SLC35F1: variants seen among roughly 807,000 people sequenced by gnomAD.
SLC35F1 encodes solute carrier family 35 member F1, also known as chromosome 6 open reading frame 169.
A neutral mutation model predicts 48.7 loss-of-function variants in SLC35F1; 14 were observed. The ratio of observed to expected loss-of-function variants is 0.29; its 90% CI spans 0.19 to 0.45. The LOEUF is 0.45. SLC35F1 is among the 20% of genes least tolerant of loss of function. The probability of loss-of-function intolerance (pLI) is 1.00; values close to 1 mark genes in which losing one functional copy is unlikely to be tolerated. For synonymous variants in SLC35F1, 190 were observed against 202.2 expected, an observed-to-expected ratio of 0.94 and a Z score of 0.51; for missense variants, 404 against 500.0, an observed-to-expected ratio of 0.81 and a Z score of 1.83.
intron 1 of SLC35F1, among the ~76,000 whole-genome samples, chr6:118,049,907 C>T (rs1434394142): frequency 6.6e-6 from 1 of 151,984 alleles, no homozygotes; most frequent in Non-Finnish European, 1.5e-5. Flanking sequence ...TATAAAGACA[C>T]ATGCACACGT....
At chr6:118,212,076 A>G (rs941467464) in intron 2 of SLC35F1, among the ~76,000 whole-genome samples, 1 of 152,154 alleles carries the variant, frequency 6.6e-6, no homozygotes, top group Non-Finnish European at 1.5e-5. Context: ...TTCTTGGTGT[A>G]ACTTTATTCA....
chr6:118,138,847 C>T (rs1007834787), intron 1 of SLC35F1, among the ~76,000 whole-genome samples: 8 of 152,012 alleles, frequency 5.3e-5, no homozygotes, highest in Middle Eastern at 3.2e-3. Flanking sequence ...ATGCATGTCA[C>T]GTACAACTCA....
chr6:118,159,939 T>G lies in SLC35F1; in HGVS notation c.349+5319T>G, dbSNP rs549988813. 3.3e-5 allele frequency among the ~76,000 whole-genome samples: 5 copies of G among 152,344 alleles called. No individual in the cohort carries two copies. The South Asian group carries it at 1.0e-3, about 32-fold the overall frequency. On this transcript the variant is annotated intron_variant, in intron 2 of 7. Coordinates refer to ENST00000360388, the MANE Select transcript of SLC35F1 (RefSeq NM_001029858.4). ...CATAAAAACTTTAATAAGCAATAAT[T>G]TCCTCTTCCCTTTCTTCTGCTACCA...
chr6:117,952,084 GT>G (rs1002464937), intron 1 of SLC35F1, among the ~76,000 whole-genome samples: 3 of 152,130 alleles, frequency 2.0e-5, no homozygotes, highest in Non-Finnish European at 4.4e-5. Flanking sequence ...CTCTCATTTT[GT>G]TTTGTTTTGT....
At chr6:118,056,940 CT>C (rs34667516) in intron 1 of SLC35F1, among the ~76,000 whole-genome samples, 37,439 of 147,896 alleles carry the variant, frequency 0.25, 4,776 homozygotes, top group East Asian at 0.35. Flanking sequence ...AGTAGGAAAA[CT>C]TTTTTTTTTT....
intron 1 of SLC35F1, among the ~76,000 whole-genome samples, chr6:118,086,678 T>C (rs1772995749): frequency 6.6e-6 from 1 of 152,198 alleles, no homozygotes; most frequent in Admixed American, 6.6e-5. Context: ...CTCTTATTGT[T>C]GACCCCCATA....
At chr6:117,934,123 A>C (rs971490072) in intron 1 of SLC35F1, among the ~76,000 whole-genome samples, 6 of 152,138 alleles carry the variant, frequency 3.9e-5, no homozygotes, top group African/African-American at 1.4e-4. Context: ...TTTAAACTAT[A>C]CTGAGCAGTT....
In SLC35F1 at chr6:117,907,779, C is replaced by T. The variant is rs767993507; in HGVS notation, c.53C>T (p.Pro18Leu). The change falls in exon 1 of 8, where the codon CCG becomes CTG. Residue 18 changes from proline (P) to leucine (L), a missense_variant. This residue lies in a region of SLC35F1 where 98 missense variants were observed against 81.0 expected (regional missense o/e 1.21). Transcript: ENST00000360388. The part of the protein sequence containing the change: ...QQQLQPPSPA[P>L]PNHVVTTIEN... Reference sequence around the variant, plus strand: ...CAGCTGCAGCCGCCGTCGCCAGCCCCGCCGAACCATGTGGTGACCACCATC... The same window carrying T: ...CAGCTGCAGCCGCCGTCGCCAGCCCTGCCGAACCATGTGGTGACCACCATC... The T allele has an allele frequency of 6.4e-7, 1 of 1,561,806 alleles. No homozygotes were observed.
intron 1 of SLC35F1, among the ~76,000 whole-genome samples, chr6:118,037,783 A>G (rs905525040): frequency 2.0e-5 from 3 of 149,966 alleles, no homozygotes; most frequent in Non-Finnish European, 4.4e-5. Flanking sequence ...AAAACCAAAC[A>G]CTGCATATTC....
chr6:118,286,598 C>T (rs1776051602), intron 7 of SLC35F1, among the ~76,000 whole-genome samples: 1 of 152,120 alleles, frequency 6.6e-6, no homozygotes, highest in South Asian at 2.1e-4. Flanking sequence ...TGACAGCAGA[C>T]AGGAATAAAG....
At chr6:118,038,579 G>C (rs989286344) in intron 1 of SLC35F1, among the ~76,000 whole-genome samples, 1 of 151,618 alleles carries the variant, frequency 6.6e-6, no homozygotes, top group African/African-American at 2.4e-5. Flanking sequence ...AGTTTTCAGT[G>C]TACCTGTCTT....
chr6:118,285,206 T>C lies in SLC35F1; in HGVS notation c.870T>C (p.Ser290=), dbSNP rs1397998791. 4.5e-5 allele frequency: 73 copies of C among 1,613,814 alleles called. No individual in the cohort carries two copies. Among genetic ancestry groups the C allele is most frequent in the Non-Finnish European group, 6.1e-5 (72 of 1,179,856 alleles). The change falls in exon 7 of 8, where the codon AGT becomes AGC. Residue 290 remains serine (S), a synonymous_variant. Transcript: ENST00000360388. ...WQIGLLYVGF[S]ACMFGLYSFM... ...CAGGACTGCTCTACGTTGGCTTTAGTGCCTGCATGTTTGGTCTCTACAGCT... is the reference window on the plus strand; with the variant it reads ...CAGGACTGCTCTACGTTGGCTTTAGCGCCTGCATGTTTGGTCTCTACAGCT...
intron 1 of SLC35F1, among the ~76,000 whole-genome samples, chr6:118,042,572 C>T (rs559495670): frequency 7.8e-4 from 119 of 152,292 alleles, no homozygotes; most frequent in African/African-American, 2.3e-3. Context: ...GATGATTGTA[C>T]AGGGCCTTCC....
intron 1 of SLC35F1, among the ~76,000 whole-genome samples, chr6:118,005,038 G>A (rs1428613133): frequency 6.6e-6 from 1 of 152,160 alleles, no homozygotes; most frequent in African/African-American, 2.4e-5. Context: ...ATATGAAAAG[G>A]AAAAGGTTAT....
intron 6 of SLC35F1, among the ~76,000 whole-genome samples, chr6:118,283,677 C>T (rs1483991334): frequency 1.3e-5 from 2 of 152,152 alleles, no homozygotes; most frequent in African/African-American, 4.8e-5. Context: ...GATCTTGTCC[C>T]TAGTCTGTTA....
At chr6:117,955,524 C>A (rs999111066) in intron 1 of SLC35F1, among the ~76,000 whole-genome samples, 1 of 152,148 alleles carries the variant, frequency 6.6e-6, no homozygotes, top group African/African-American at 2.4e-5. Flanking sequence ...GCTTCAAGTT[C>A]TTCATTGCTT....
intron 1 of SLC35F1, among the ~76,000 whole-genome samples, chr6:118,110,923 G>T (rs939381085): frequency 1.3e-5 from 2 of 152,024 alleles, no homozygotes; most frequent in African/African-American, 2.4e-5. Flanking sequence ...TCCTCCAGGG[G>T]TGTTGTTGGG....
At chr6:117,914,343 T>G (rs901667668) in intron 1 of SLC35F1, among the ~76,000 whole-genome samples, 3 of 150,670 alleles carry the variant, frequency 2.0e-5, no homozygotes, top group Non-Finnish European at 4.4e-5. Flanking sequence ...TTTAAAAAAA[T>G]AGAGAAACCT....
At chr6:118,239,833 A>T (rs1437927935) in intron 3 of SLC35F1, among the ~76,000 whole-genome samples, 2 of 152,190 alleles carry the variant, frequency 1.3e-5, no homozygotes, top group Non-Finnish European at 2.9e-5. Context: ...GGGAAGTAAA[A>T]AGGCAAGTTG....
Sources: allele counts gnomAD v4.1 joint callset (sites outside exome capture counted in the v4.1 genomes callset), GRCh38; gene constraint gnomAD v4.1.1; regional missense constraint gnomAD v4.1.1; transcripts MANE v1.5; gene names NCBI Gene and HGNC (gene_info 2026-07-23, HGNC 2026-07-21).